Variants in OXSR1 observed in about 807,000 individuals in gnomAD.
OXSR1 encodes oxidative stress responsive kinase 1.
A neutral mutation model predicts 79.8 loss-of-function variants in OXSR1; 24 were observed. The ratio of observed to expected loss-of-function variants is 0.30; its 90% CI spans 0.22 to 0.42. The LOEUF is 0.42. OXSR1 is among the 10% of genes least tolerant of loss of function. OXSR1 has a pLI of 1.00. For synonymous variants in OXSR1, 226 were observed against 209.2 expected (o/e 1.08, Z -0.69); for missense variants, 430 against 618.4 (o/e 0.70, Z 3.23).
intron 3 of OXSR1, among the ~76,000 whole-genome samples, chr3:38,193,013 A>G (rs1702010400): frequency 2.0e-5 from 3 of 152,216 alleles, no homozygotes; most frequent in Non-Finnish European, 1.5e-5. Context: ...TTAGAATTAA[A>G]TTTCAGTTTT....
intron 3 of OXSR1, among the ~76,000 whole-genome samples, chr3:38,195,910 CCT>C (rs370150074): frequency 5.9e-5 from 9 of 152,076 alleles, no homozygotes; most frequent in Admixed American, 1.3e-4. Context: ...TACCAAATAC[CCT>C]GTTTCCCATT....
At chr3:38,185,411 C>G (rs1701866242) in intron 2 of OXSR1, among the ~76,000 whole-genome samples, 1 of 151,482 alleles carries the variant, frequency 6.6e-6, no homozygotes, top group Admixed American at 6.6e-5. Flanking sequence ...ATGGCAAAAC[C>G]CTGTCTCTAT....
At chr3:38,179,996 A>C (rs1466702349) in intron 1 of OXSR1, among the ~76,000 whole-genome samples, 1 of 151,978 alleles carries the variant, frequency 6.6e-6, no homozygotes, top group African/African-American at 2.4e-5. Flanking sequence ...TTTAGTAGAG[A>C]CAGGGTTTCA....
At chr3:38,244,666 T>TGTGTGTGTGTGTGTGCGCGCGC (rs748851263) in intron 12 of OXSR1, among the ~76,000 whole-genome samples, 3 of 143,956 alleles carry the variant, frequency 2.1e-5, no homozygotes, top group Non-Finnish European at 3.0e-5. Context: ...TGTGTGTGTG[T>TGTGTGTGTGTGTGTGCGCGCGC]GCGTGCGCAT....
intron 1 of OXSR1, among the ~76,000 whole-genome samples, chr3:38,182,050 T>A (rs1261178715): frequency 6.6e-6 from 1 of 152,214 alleles, no homozygotes; most frequent in Non-Finnish European, 1.5e-5. Flanking sequence ...AATTCTTCTC[T>A]TTTAATAGGT....
At chr3:38,177,068 T>C (rs777426353) in intron 1 of OXSR1, among the ~76,000 whole-genome samples, 17 of 152,242 alleles carry the variant, frequency 1.1e-4, no homozygotes, top group Non-Finnish European at 2.2e-4. Flanking sequence ...TGTAAAAATA[T>C]TGCAAAGAAT....
chr3:38,232,013 A>G (rs1470387202), intron 10 of OXSR1, among the ~76,000 whole-genome samples: 1 of 152,182 alleles, frequency 6.6e-6, no homozygotes, highest in African/African-American at 2.4e-5. Context: ...AGGCTGAGGC[A>G]TGAGAATCAT....
chr3:38,226,671 G>A (rs542079744), intron 8 of OXSR1, among the ~76,000 whole-genome samples: 5 of 151,806 alleles, frequency 3.3e-5, no homozygotes, highest in Non-Finnish European at 7.4e-5. Context: ...CCGTAACTTC[G>A]GTCTATAATG....
intron 10 of OXSR1, among the ~76,000 whole-genome samples, chr3:38,232,414 T>C (rs537404411): frequency 3.0e-4 from 46 of 151,912 alleles, no homozygotes; most frequent in African/African-American, 1.1e-3. Flanking sequence ...TACCTGCATA[T>C]ATTTCCACCC....
At chr3:38,215,144 A>G (rs1379782926) in intron 4 of OXSR1, among the ~76,000 whole-genome samples, 2 of 152,204 alleles carry the variant, frequency 1.3e-5, no homozygotes, top group Non-Finnish European at 2.9e-5. Context: ...GTGCAACATT[A>G]ATGGTGTCAT....
intron 1 of OXSR1, among the ~76,000 whole-genome samples, chr3:38,169,375 G>A (rs896742306): frequency 6.6e-5 from 10 of 151,694 alleles, no homozygotes; most frequent in African/African-American, 2.4e-4. Flanking sequence ...GTGCCATCTC[G>A]GCTCACTGCA....
intron 1 of OXSR1, among the ~76,000 whole-genome samples, chr3:38,176,904 C>T (rs1334797777): frequency 6.6e-6 from 1 of 151,966 alleles, no homozygotes; most frequent in African/African-American, 2.4e-5. Flanking sequence ...CATTTTTAAC[C>T]CCAGCATGGT....
chr3:38,237,545 G>T (rs542721569), intron 11 of OXSR1, among the ~76,000 whole-genome samples: 2 of 152,272 alleles, frequency 1.3e-5, no homozygotes, highest in Admixed American at 6.5e-5. Context: ...ACCTTTGACT[G>T]CTTAGGACTG....
chr3:38,231,759 T>G (rs554743186), intron 10 of OXSR1, among the ~76,000 whole-genome samples: 1 of 152,332 alleles, frequency 6.6e-6, no homozygotes, highest in East Asian at 1.9e-4. Context: ...TATTATTGTT[T>G]ATAATAAATC....
intron 4 of OXSR1, among the ~76,000 whole-genome samples, chr3:38,204,809 G>A (rs1398100576): frequency 6.7e-6 from 1 of 149,756 alleles, no homozygotes; most frequent in Non-Finnish European, 1.5e-5. Context: ...GCAGTCCCTT[G>A]GCTGCCCCAT....
intron 10 of OXSR1, among the ~76,000 whole-genome samples, chr3:38,232,563 T>C (rs1404779100): frequency 6.6e-6 from 1 of 152,090 alleles, no homozygotes; most frequent in Non-Finnish European, 1.5e-5. Flanking sequence ...AAAACCAGCC[T>C]GGGCAACATG....
At chr3:38,165,512 C>G, upstream of OXSR1, 1 of 245,740 alleles carries the variant, frequency 4.1e-6, no homozygotes, top group Non-Finnish European at 7.9e-6. Context: ...TGCGTGTCGG[C>G]AGGTGGAGGA....
chr3:38,172,422 T>G (rs528589325), intron 1 of OXSR1, among the ~76,000 whole-genome samples: 1 of 152,292 alleles, frequency 6.6e-6, no homozygotes, highest in Non-Finnish European at 1.5e-5. Context: ...TCTTGAAAAG[T>G]CTCAATAAGT....
rs2125795134 is a variant in OXSR1 at position 38,165,869 on chromosome 3, C to T, written c.-8C>T. On this transcript the variant is annotated 5_prime_UTR_variant, in exon 1 of 18. Coordinates refer to ENST00000311806, the MANE Select transcript of OXSR1 (RefSeq NM_005109.3). ...TTTGAGGGAGGACCGCGAGCCGCTG[C>T]CGCCGTCATGTCCGAGGACTCGAGC... 1.9e-6 allele frequency: 3 copies of T among 1,608,422 alleles called. No homozygotes were observed. The highest frequency in any genetic ancestry group is 2.2e-5 in the East Asian group (1 of 44,706).
Sources: allele counts gnomAD v4.1 joint callset (sites outside exome capture counted in the v4.1 genomes callset), GRCh38; gene constraint gnomAD v4.1.1; transcripts MANE v1.5; gene names NCBI Gene and HGNC (gene_info 2026-07-23, HGNC 2026-07-21).